The following SLC4A5 variants were observed in gnomAD, a reference collection of about 807,000 sequenced individuals.
The protein encoded by SLC4A5 is electrogenic sodium bicarbonate cotransporter 4.
In SLC4A5, 96 loss-of-function variants were observed where a neutral mutation model predicts 120.4. That is an observed-to-expected ratio of 0.80 (90% CI 0.68 to 0.94). The LOEUF (loss-of-function observed/expected upper bound fraction) is 0.94, where lower values mean the gene tolerates loss of function less well. Ranked by LOEUF, SLC4A5 falls within the 40% of genes least tolerant of loss-of-function variation. The probability of loss-of-function intolerance (pLI) is 0.00; values close to 1 mark genes in which losing one functional copy is unlikely to be tolerated. For synonymous variants in SLC4A5, 550 were observed against 571.1 expected (o/e 0.96, Z 0.53); for missense variants, 1,259 against 1,459.5 (o/e 0.86, Z 2.24).
At chr2:74,336,163 G>A (rs867677814) in intron 3 of SLC4A5, among the ~76,000 whole-genome samples, 1 of 152,150 alleles carries the variant, frequency 6.6e-6, no homozygotes, top group Non-Finnish European at 1.5e-5. Flanking sequence ...GACCTCCCAG[G>A]CTCAAGCGAT....
At position 74,304,488 on chromosome 2, in the gene SLC4A5, C is replaced by A. The variant is rs763114313; in HGVS notation, c.271+1G>T. On this transcript the variant is annotated splice_donor_variant, in intron 7 of 30. Coordinates refer to ENST00000394019, the Ensembl canonical transcript of SLC4A5. LOFTEE classifies it high-confidence loss of function. ...CAGAATGTACCCCTCAAGGAACTCA[C>A]GAGTCCTGCTGATAAGATCCATGCT... The A allele has an allele frequency of 1.2e-6, 2 of 1,607,464 alleles. No homozygotes were observed. The highest frequency in any genetic ancestry group is 1.1e-5 in the South Asian group (1 of 90,082).
intron 19 of SLC4A5, among the ~76,000 whole-genome samples, chr2:74,246,487 A>G (rs545175040): frequency 4.6e-5 from 7 of 152,298 alleles, no homozygotes; most frequent in African/African-American, 1.7e-4. Flanking sequence ...TAACTCTCAT[A>G]TTCATAAGAG....
intron 16 of SLC4A5, among the ~76,000 whole-genome samples, chr2:74,251,366 G>A (rs1224765388): frequency 6.6e-6 from 1 of 151,768 alleles, no homozygotes; most frequent in Non-Finnish European, 1.5e-5. Context: ...TGATTTATAT[G>A]TAGATTTTCA....
chr2:74,298,809 G>A (rs1218725949), intron 7 of SLC4A5, among the ~76,000 whole-genome samples: 1 of 152,174 alleles, frequency 6.6e-6, no homozygotes, highest in Non-Finnish European at 1.5e-5. Flanking sequence ...GCCTCAGGAA[G>A]CTGAGGCAAG....
intron 22 of SLC4A5, 66 bp from the exon 23 acceptor site, chr2:74,233,629 G>A: frequency 1.3e-6 from 2 of 1,497,386 alleles, no homozygotes; most frequent in South Asian, 2.6e-5. Context: ...TTGTCGCCTG[G>A]CCTGCTGTCC....
At chr2:74,219,057 C>T (rs570973385) in intron 30 of SLC4A5, among the ~76,000 whole-genome samples, 1 of 152,200 alleles carries the variant, frequency 6.6e-6, no homozygotes, top group Middle Eastern at 3.4e-3. Flanking sequence ...AATCTAAGCT[C>T]CTTAGTGTGA....
chr2:74,254,526 A>G (rs1046617972), intron 14 of SLC4A5, 93 bp downstream of exon 14: 20 of 983,778 alleles, frequency 2.0e-5, no homozygotes, highest in East Asian at 4.8e-5. Context: ...TAGGTGCTCA[A>G]ATGTGCTGGC....
exon 9 of SLC4A5, chr2:74,265,183 G>T (rs774876305): frequency 1.2e-6 from 2 of 1,614,250 alleles, no homozygotes; most frequent in Non-Finnish European, 1.7e-6. Flanking sequence ...GCTCGAAGAG[G>T]CTGTGCAGGG....
chr2:74,243,316 C>G (rs907185434), intron 19 of SLC4A5, among the ~76,000 whole-genome samples: 8 of 152,222 alleles, frequency 5.3e-5, no homozygotes, highest in African/African-American at 1.7e-4. Flanking sequence ...ATGTGGCCAC[C>G]CATAGGAAGT....
At chr2:74,293,881 A>G (rs1170153031) in intron 7 of SLC4A5, among the ~76,000 whole-genome samples, 1 of 152,200 alleles carries the variant, frequency 6.6e-6, no homozygotes, top group Admixed American at 6.5e-5. Context: ...CCATAAGTGT[A>G]AAGGTTATAA....
At chr2:74,226,966 G>A (rs781657284) in exon 27 of SLC4A5, 1 of 1,613,568 alleles carries the variant, frequency 6.2e-7, no homozygotes, top group Non-Finnish European at 8.5e-7. Flanking sequence ...CCATGACCGG[G>A]AAGATGATGG....
intron 2 of SLC4A5, among the ~76,000 whole-genome samples, chr2:74,340,691 C>G (rs1010152881): frequency 6.6e-6 from 1 of 152,184 alleles, no homozygotes; most frequent in African/African-American, 2.4e-5. Flanking sequence ...CTGGAGATCA[C>G]AAACGTATAG....
intron 19 of SLC4A5, among the ~76,000 whole-genome samples, chr2:74,245,049 G>A (rs1248901950): frequency 6.6e-6 from 1 of 152,164 alleles, no homozygotes; most frequent in African/African-American, 2.4e-5. Flanking sequence ...GGCCAGGCAC[G>A]GTGGCTCACC....
At chr2:74,270,850 C>T (rs1255685871) in intron 8 of SLC4A5, among the ~76,000 whole-genome samples, 2 of 152,132 alleles carry the variant, frequency 1.3e-5, no homozygotes, top group East Asian at 1.9e-4. Context: ...GGGGTCCCAA[C>T]GCAGGCAAAC....
intron 4 of SLC4A5, among the ~76,000 whole-genome samples, chr2:74,333,680 C>G (rs1416517120): frequency 2.6e-5 from 4 of 152,266 alleles, no homozygotes; most frequent in Middle Eastern, 6.8e-3. Context: ...TGGCACCAAT[C>G]CCTTGCAGAT....
chr2:74,264,993 A>C (rs1573042439), intron 9 of SLC4A5, 111 bp downstream of exon 9: 1 of 1,220,918 alleles, frequency 8.2e-7, no homozygotes, highest in East Asian at 2.3e-5. Flanking sequence ...CTGCAGAATC[A>C]GGTGTCAGAG....
At chr2:74,234,323 C>T (rs1034558902) in intron 22 of SLC4A5, among the ~76,000 whole-genome samples, 9 of 152,182 alleles carry the variant, frequency 5.9e-5, no homozygotes, top group African/African-American at 1.9e-4. Flanking sequence ...GGACTACAAG[C>T]GCCCGCCACC....
chr2:74,242,728 C>T (rs762337238), intron 19 of SLC4A5, among the ~76,000 whole-genome samples: 1 of 152,248 alleles, frequency 6.6e-6, no homozygotes, highest in Non-Finnish European at 1.5e-5. Flanking sequence ...TCTTAGCTCA[C>T]TGCAATCTCT....
chr2:74,216,480 A>G (rs997993260), exon 31 of SLC4A5: 1 of 152,258 alleles, frequency 6.6e-6, no homozygotes, highest in African/African-American at 2.4e-5. Context: ...TTGAATCCAT[A>G]GCATTTCTAC....
Sources: gnomAD v4.1 joint callset for allele counts (sites outside exome capture counted in the v4.1 genomes callset) on GRCh38, gnomAD v4.1.1 for gene constraint, MANE v1.5 for transcripts, NCBI Gene and HGNC (gene_info 2026-07-23, HGNC 2026-07-21) for gene names.